Variants in PHACTR1 observed in about 807,000 individuals in gnomAD.
The protein encoded by PHACTR1 is phosphatase and actin regulator 1, also known as RPEL repeat containing 1.
A neutral mutation model predicts 69.2 loss-of-function variants in PHACTR1; 16 were observed. That is an observed-to-expected ratio of 0.23 (90% CI 0.16 to 0.35). The LOEUF is 0.35. PHACTR1 is among the 10% of genes least tolerant of loss of function. PHACTR1 has a pLI of 1.00. For synonymous variants in PHACTR1, 312 were observed against 284.5 expected (o/e 1.10, Z -0.97); for missense variants, 510 against 734.7 (o/e 0.69, Z 3.54).
At chr6:12,795,483 G>A (rs987988918) in intron 4 of PHACTR1, among the ~76,000 whole-genome samples, 3 of 152,158 alleles carry the variant, frequency 2.0e-5, no homozygotes, top group Admixed American at 1.3e-4. Flanking sequence ...TGCTCCTGGG[G>A]AAGAACATTT....
rs138493704 is a variant in PHACTR1 at position 12,753,301 on chromosome 6, T to C, written c.250+3511T>C. Among the ~76,000 whole-genome samples the C allele has an allele frequency of 3.9e-4, 59 of 152,352 alleles. 2 individuals carry two copies. In the East Asian group the frequency reaches 0.011, roughly 28 times the overall value. ...AGTTGCAGCTCATCTGGCAGGTACA[T>C]TCCCATGGGCTAGTGTATTCTATTT... is the stretch of plus-strand genomic sequence containing the variant. On this transcript the variant is annotated intron_variant, in intron 4 of 14. Coordinates refer to ENST00000332995, the MANE Select transcript of PHACTR1 (RefSeq NM_030948.6).
At chr6:12,728,153 A>T (rs1317170253) in intron 3 of PHACTR1, among the ~76,000 whole-genome samples, 2 of 152,070 alleles carry the variant, frequency 1.3e-5, no homozygotes. Flanking sequence ...CTCTACAAAA[A>T]ATATATATAT....
chr6:13,118,979 T>G (rs1391065533), intron 5 of PHACTR1, among the ~76,000 whole-genome samples: 1 of 152,210 alleles, frequency 6.6e-6, no homozygotes, highest in Non-Finnish European at 1.5e-5. Context: ...AGAGTTCCTA[T>G]GAGTCAAAAA....
chr6:13,152,982 G>C (rs568877361), intron 5 of PHACTR1, among the ~76,000 whole-genome samples: 2 of 152,198 alleles, frequency 1.3e-5, no homozygotes, highest in South Asian at 4.2e-4. Context: ...ATCTAGTACC[G>C]GCCCTGGAGT....
intron 4 of PHACTR1, among the ~76,000 whole-genome samples, chr6:12,933,083 G>A (rs1281443404): frequency 1.3e-5 from 2 of 151,786 alleles, no homozygotes; most frequent in South Asian, 2.1e-4. Context: ...TTACAGGCAC[G>A]CGCCACCAAG....
At chr6:13,053,809 T>C (rs1420839556) in intron 5 of PHACTR1, among the ~76,000 whole-genome samples, 2 of 152,252 alleles carry the variant, frequency 1.3e-5, no homozygotes, top group Non-Finnish European at 2.9e-5. Context: ...CTGCCTTTTC[T>C]ATAATTGAAT....
At chr6:13,035,988 T>C (rs1803244374) in intron 4 of PHACTR1, among the ~76,000 whole-genome samples, 1 of 152,204 alleles carries the variant, frequency 6.6e-6, no homozygotes, top group Non-Finnish European at 1.5e-5. Context: ...ACATGCTAAC[T>C]CCATTGCTAA....
At position 13,092,035 on chromosome 6, in the gene PHACTR1, T is replaced by C. The variant is rs190940112; in HGVS notation, c.415+38506T>C. On this transcript the variant is annotated intron_variant, in intron 5 of 14. Transcript: ENST00000332995. ...GGACAGTCTCGATCTCCTGACCTCATGATCCGCCCATCTCAGCCTCCCAAA... is the reference window on the plus strand; with the variant it reads ...GGACAGTCTCGATCTCCTGACCTCACGATCCGCCCATCTCAGCCTCCCAAA... Among the ~76,000 whole-genome samples, 464 of 152,300 alleles carry C rather than the reference T, an allele frequency of 3.0e-3. 1 individual carries two copies. Among genetic ancestry groups the C allele is most frequent in the Middle Eastern group, 0.017 (5 of 294 alleles).
At chr6:12,805,556 T>A (rs1485684150) in intron 4 of PHACTR1, among the ~76,000 whole-genome samples, 1 of 152,140 alleles carries the variant, frequency 6.6e-6, no homozygotes, top group African/African-American at 2.4e-5. Flanking sequence ...AATTGTCAAC[T>A]TGAATGGCTT....
intron 4 of PHACTR1, among the ~76,000 whole-genome samples, chr6:12,924,429 C>T (rs913526342): frequency 6.6e-6 from 1 of 152,108 alleles, no homozygotes; most frequent in Non-Finnish European, 1.5e-5. Flanking sequence ...CATCTTTTGG[C>T]AATGCACTAA....
chr6:12,821,978 G>A (rs1400890460), intron 4 of PHACTR1, among the ~76,000 whole-genome samples: 2 of 152,212 alleles, frequency 1.3e-5, no homozygotes, highest in African/African-American at 4.8e-5. Flanking sequence ...CATTTTAATT[G>A]TAAGCCCCAT....
intron 4 of PHACTR1, among the ~76,000 whole-genome samples, chr6:12,878,603 C>T (rs1467431695): frequency 6.6e-6 from 1 of 152,214 alleles, no homozygotes; most frequent in African/African-American, 2.4e-5. Flanking sequence ...ATAAAGCTCT[C>T]TATTACCAAG....
intron 4 of PHACTR1, among the ~76,000 whole-genome samples, chr6:12,795,189 G>A (rs1314422876): frequency 6.6e-6 from 1 of 152,032 alleles, no homozygotes; most frequent in Non-Finnish European, 1.5e-5. Flanking sequence ...TAAAAACCAA[G>A]AAATAATTTA....
intron 4 of PHACTR1, among the ~76,000 whole-genome samples, chr6:12,940,703 T>C (rs1789970877): frequency 6.6e-6 from 1 of 152,228 alleles, no homozygotes; most frequent in African/African-American, 2.4e-5. Context: ...GAGATTTTTA[T>C]GTTGATCTTC....
chr6:12,822,087 G>A (rs1220846329), intron 4 of PHACTR1, among the ~76,000 whole-genome samples: 2 of 152,182 alleles, frequency 1.3e-5, no homozygotes, highest in Non-Finnish European at 2.9e-5. Context: ...CTGTAGTGTT[G>A]GTAGAAGACT....
intron 4 of PHACTR1, among the ~76,000 whole-genome samples, chr6:13,022,788 G>C (rs1801155814): frequency 6.6e-6 from 1 of 152,112 alleles, no homozygotes; most frequent in Admixed American, 6.6e-5. Context: ...AGGCTGAGAT[G>C]GGTGGATCGC....
intron 4 of PHACTR1, among the ~76,000 whole-genome samples, chr6:12,806,578 C>G (rs1487711171): frequency 6.6e-6 from 1 of 152,090 alleles, no homozygotes; most frequent in Non-Finnish European, 1.5e-5. Flanking sequence ...CAGCCTCCCT[C>G]CTAGCTGGGA....
chr6:12,913,745 CA>C (rs1786661659), intron 4 of PHACTR1, among the ~76,000 whole-genome samples: 1 of 152,134 alleles, frequency 6.6e-6, no homozygotes, highest in South Asian at 2.1e-4. Flanking sequence ...AACCTTTGGG[CA>C]TGTTTCATGA....
chr6:13,186,623 G>A (rs1250923669), intron 7 of PHACTR1, among the ~76,000 whole-genome samples: 1 of 152,150 alleles, frequency 6.6e-6, no homozygotes, highest in Non-Finnish European at 1.5e-5. Flanking sequence ...ACCCCTACAT[G>A]TAGTACATAT....
Sources: allele counts gnomAD v4.1 joint callset (sites outside exome capture counted in the v4.1 genomes callset), GRCh38; gene constraint gnomAD v4.1.1; transcripts MANE v1.5; gene names NCBI Gene and HGNC (gene_info 2026-07-23, HGNC 2026-07-21).